MPPED1: variants seen among roughly 807,000 people sequenced by gnomAD.
The protein encoded by MPPED1 is metallophosphoesterase domain containing 1.
Under a neutral mutation model 36.2 loss-of-function variants are expected in MPPED1, and 16 were observed. That is an observed-to-expected ratio of 0.44 (90% CI 0.30 to 0.67). The LOEUF (loss-of-function observed/expected upper bound fraction) is 0.67. Among genes scored for constraint, MPPED1 ranks in the 30% least tolerant of loss-of-function variants. The pLI is 0.10. For missense variants in MPPED1, 307 were observed against 453.4 expected, an observed-to-expected ratio of 0.68 and a Z score of 2.93; for synonymous variants, 199 against 191.3, an observed-to-expected ratio of 1.04 and a Z score of -0.33.
At chr22:43,500,899 G>A (rs184734414) in intron 5 of MPPED1, among the ~76,000 whole-genome samples, 191 of 152,204 alleles carry the variant, frequency 1.3e-3, no homozygotes, top group African/African-American at 3.7e-3. Flanking sequence ...TGGAGGAGGA[G>A]GGTGAGGTAG....
chr22:43,414,931 C>T (rs111407303), intron 1 of MPPED1, among the ~76,000 whole-genome samples: 3,539 of 152,206 alleles, frequency 0.023, 141 homozygotes, highest in African/African-American at 0.081. Flanking sequence ...AGATCAAAGT[C>T]GATGGCACCT....
chr22:43,432,875 G>GAGAA (rs1929801278), intron 2 of MPPED1, among the ~76,000 whole-genome samples: 12 of 19,764 alleles, frequency 6.1e-4, no homozygotes, highest in South Asian at 8.1e-3. Flanking sequence ...AGGAGAGAGA[G>GAGAA]AGGGAAAGAG....
intron 4 of MPPED1, among the ~76,000 whole-genome samples, chr22:43,495,571 G>A (rs1602016295): frequency 9.1e-6 from 1 of 109,926 alleles, no homozygotes; most frequent in African/African-American, 3.0e-5. Flanking sequence ...TGGTGGAGGT[G>A]ATGGTGGAGG....
chr22:43,448,563 G>A (rs967194134), intron 3 of MPPED1, among the ~76,000 whole-genome samples: 6 of 150,356 alleles, frequency 4.0e-5, no homozygotes, highest in Non-Finnish European at 8.9e-5. Context: ...CAAGGTCTAG[G>A]CTCTTTTAAA....
intron 4 of MPPED1, among the ~76,000 whole-genome samples, chr22:43,478,939 G>T (rs908242361): frequency 1.3e-5 from 2 of 152,150 alleles, no homozygotes; most frequent in Admixed American, 6.5e-5. Flanking sequence ...ACCCTCAGCT[G>T]CCGGTATCCC....
rs530355153 is a variant in MPPED1 at position 43,438,403 on chromosome 22, G to A, written c.406+3188G>A. 2.0e-5 allele frequency among the ~76,000 whole-genome samples: 3 copies of A among 152,272 alleles called. No homozygotes were observed. In the East Asian group the frequency reaches 5.8e-4, roughly 29 times the overall value. Reference sequence around the variant, plus strand: ...GAGCAGAGAGCACTAGGAGTGTTGGGAAGTGGGAGAAGCAGGGCAGTGGGG... The same window carrying A: ...GAGCAGAGAGCACTAGGAGTGTTGGAAAGTGGGAGAAGCAGGGCAGTGGGG... On this transcript the variant is annotated intron_variant, in intron 3 of 6. Coordinates refer to ENST00000443721, the MANE Select transcript of MPPED1 (RefSeq NM_001044370.2).
In MPPED1 at chr22:43,498,059, C is replaced by T. The variant is rs139599481; in HGVS notation, c.633-176C>T. ...GAGAATTGCCTGGGGACCCACAGAC[C>T]GCCAGTGGGTCAAAGTCCTGGTGAG... On this transcript the variant is annotated intron_variant, in intron 4 of 6. Coordinates refer to ENST00000443721, the MANE Select transcript of MPPED1 (RefSeq NM_001044370.2). Among the ~76,000 whole-genome samples the T allele has an allele frequency of 2.9e-3, 435 of 151,322 alleles. 2 individuals carry two copies. Among genetic ancestry groups the T allele is most frequent in the African/African-American group, 0.01 (418 of 41,104 alleles).
chr22:43,483,377 G>A (rs921464470), intron 4 of MPPED1, among the ~76,000 whole-genome samples: 8 of 152,180 alleles, frequency 5.3e-5, no homozygotes, highest in African/African-American at 1.4e-4. Flanking sequence ...TGGTTCTCCC[G>A]TCTCCACCCT....
chr22:43,504,670 GTGA>G (rs1373085429), intron 6 of MPPED1, among the ~76,000 whole-genome samples: 2 of 151,702 alleles, frequency 1.3e-5, no homozygotes, highest in Non-Finnish European at 2.9e-5. Flanking sequence ...GATAAAGGCA[GTGA>G]TGATGATAGC....
intron 3 of MPPED1, among the ~76,000 whole-genome samples, chr22:43,455,125 T>C (rs1019545923): frequency 2.0e-5 from 3 of 150,236 alleles, no homozygotes; most frequent in Non-Finnish European, 4.4e-5. Context: ...CTTTTTTTTT[T>C]TTGAGACGAA....
intron 4 of MPPED1, among the ~76,000 whole-genome samples, chr22:43,493,116 A>T (rs1932153862): frequency 6.6e-6 from 1 of 152,182 alleles, no homozygotes; most frequent in Non-Finnish European, 1.5e-5. Context: ...CCTGTGTCCC[A>T]GGAGATGGCT....
At chr22:43,444,279 GGTGTGTGT>G (rs35340638) in intron 3 of MPPED1, among the ~76,000 whole-genome samples, 52,463 of 141,744 alleles carry the variant, frequency 0.37, 11,925 homozygotes, top group Non-Finnish European at 0.51. Flanking sequence ...GACCCACTGG[GGTGTGTGT>G]GTGTGTGTGT....
intron 5 of MPPED1, among the ~76,000 whole-genome samples, chr22:43,500,163 ATGGTGATGGAGG>A (rs1932633781): frequency 9.5e-5 from 3 of 31,556 alleles, no homozygotes; most frequent in Non-Finnish European, 1.6e-4. Context: ...GGTGGTGGTG[ATGGTGATGGAGG>A]TGGTGGTGAT....
intron 3 of MPPED1, among the ~76,000 whole-genome samples, chr22:43,443,374 C>T (rs1930220728): frequency 6.6e-6 from 1 of 152,146 alleles, no homozygotes. Context: ...CTGACTGTAG[C>T]AGGCAGGAGA....
intron 3 of MPPED1, among the ~76,000 whole-genome samples, chr22:43,437,036 G>A (rs1185461031): frequency 2.0e-5 from 3 of 152,228 alleles, no homozygotes; most frequent in Non-Finnish European, 4.4e-5. Flanking sequence ...GCCTGGAAGT[G>A]TTTGCAGATG....
chr22:43,451,024 CTTTT>C (rs34974443), intron 3 of MPPED1, among the ~76,000 whole-genome samples: 1 of 132,774 alleles, frequency 7.5e-6, no homozygotes, highest in Non-Finnish European at 1.6e-5. Flanking sequence ...CTGCATCTGG[CTTTT>C]TTTTTTTTTT....
chr22:43,412,836 T>C (rs1360706878), intron 1 of MPPED1, among the ~76,000 whole-genome samples: 5 of 152,216 alleles, frequency 3.3e-5, no homozygotes, highest in Non-Finnish European at 7.3e-5. Context: ...TTCTGTCTCC[T>C]GTGTGTTTGT....
At chr22:43,455,919 T>C (rs1052086274) in intron 3 of MPPED1, among the ~76,000 whole-genome samples, 4 of 152,222 alleles carry the variant, frequency 2.6e-5, no homozygotes, top group Non-Finnish European at 5.9e-5. Flanking sequence ...TTCACTGCTC[T>C]GGGGGTCAGA....
chr22:43,458,048 T>C (rs1379611734), intron 3 of MPPED1, among the ~76,000 whole-genome samples: 2 of 152,242 alleles, frequency 1.3e-5, no homozygotes, highest in Non-Finnish European at 2.9e-5. Context: ...GATAACATGC[T>C]GTACAGGTTT....
Sources: allele counts gnomAD v4.1 joint callset (sites outside exome capture counted in the v4.1 genomes callset), GRCh38; gene constraint gnomAD v4.1.1; transcripts MANE v1.5; gene names NCBI Gene and HGNC (gene_info 2026-07-23, HGNC 2026-07-21).